The following PCDHA4 variants were observed in gnomAD, a reference collection of about 807,000 sequenced individuals.
The protein encoded by PCDHA4 is protocadherin alpha-4.
Under a neutral mutation model 61.4 loss-of-function variants are expected in PCDHA4, and 49 were observed. The observed-to-expected ratio is 0.80, with a 90% CI of 0.63 to 1.01. PCDHA4 has a LOEUF of 1.01. PCDHA4 is among the 50% of genes least tolerant of loss of function. The pLI, the probability that PCDHA4 is intolerant of heterozygous loss-of-function variation, is 0.00. For synonymous variants in PCDHA4, 590 were observed against 550.3 expected (o/e 1.07, Z -1.01); for missense variants, 1,254 against 1,235.8 (o/e 1.01, Z -0.22).
chr5:140,898,035 TG>T (rs1376690690), intron 1 of PCDHA4, among the ~76,000 whole-genome samples: 1 of 152,120 alleles, frequency 6.6e-6, no homozygotes, highest in Non-Finnish European at 1.5e-5. Flanking sequence ...TTGATGGGGT[TG>T]TTTGTTTTTT....
rs141975967 is a variant in PCDHA4, at chr5:140,824,104, C to G, written c.2385+14532C>G. The G allele has an allele frequency of 8.2e-5, 132 of 1,614,008 alleles. No homozygotes were observed. Among genetic ancestry groups the G allele is most frequent in the African/African-American group, 2.1e-4 (16 of 74,940 alleles). ...CATGGCCTTCAGTCCAAGCCTTCCTCAGGGTCCCACCTCTACAGACAACGT... is the reference window on the plus strand; with the variant it reads ...CATGGCCTTCAGTCCAAGCCTTCCTGAGGGTCCCACCTCTACAGACAACGT... On this transcript the variant is annotated intron_variant, in intron 1 of 3. Transcript: ENST00000530339.
At chr5:141,005,436 G>T (rs1554260042) in intron 3 of PCDHA4, among the ~76,000 whole-genome samples, 2 of 152,080 alleles carry the variant, frequency 1.3e-5, no homozygotes, top group East Asian at 1.9e-4. Flanking sequence ...TGGATGAGAG[G>T]CTCACGCCTG....
intron 1 of PCDHA4, chr5:140,877,965 G>A (rs1049843517): frequency 1.8e-5 from 23 of 1,304,904 alleles, no homozygotes; most frequent in Non-Finnish European, 2.2e-5. Context: ...CATCTTTCTT[G>A]GTCATTCTTA....
rs142866496 is a variant in PCDHA4, at chr5:140,917,224, G to A, written c.2386-61725G>A. Among the ~76,000 whole-genome samples, 29 of 151,040 alleles carry A rather than the reference G, an allele frequency of 1.9e-4. No homozygotes were observed. In the East Asian group the frequency reaches 2.2e-3, roughly 11 times the overall value. ...TCTTCAATGCCTCTTTTAGTGATAC[G>A]TTGTTAAATCTAGGTACTACGATTG... On this transcript the variant is annotated intron_variant, in intron 1 of 3. Transcript: ENST00000530339.
intron 1 of PCDHA4, chr5:140,841,149 T>G: frequency 1.3e-6 from 1 of 781,862 alleles, no homozygotes. Flanking sequence ...ATGATGTCGC[T>G]GTCTACCAAG....
At chr5:140,891,937 C>G (rs1168665111) in intron 1 of PCDHA4, among the ~76,000 whole-genome samples, 3 of 152,166 alleles carry the variant, frequency 2.0e-5, no homozygotes, top group Admixed American at 2.0e-4. Context: ...CTTGGACTTC[C>G]CCTAGGCTCC....
At position 140,848,921 on chromosome 5, in the gene PCDHA4, C is replaced by A. The variant is rs149924043; in HGVS notation, c.2385+39349C>A. The A allele has an allele frequency of 2.3e-3, 3,692 of 1,607,738 alleles. 94 individuals carry two copies. Among genetic ancestry groups the A allele is most frequent in the Middle Eastern group, 9.4e-3 (57 of 6,032 alleles). On this transcript the variant is annotated intron_variant, in intron 1 of 3. Coordinates refer to ENST00000530339, the MANE Select transcript of PCDHA4 (RefSeq NM_018907.4). ...CAGCGACACAAAAGAATCTGTTCAT[C>A]GCGGAATCCAGGCCGCTTGACTCTC...
Position 140,882,079 on chromosome 5 carries a change from G to A in PCDHA4, c.2385+72507G>A. ...CTTACACGTTCATGCGCATGGTGTC[G>A]CTCTTCACTGAGAACGTTTCCGCGA... On this transcript the variant is annotated intron_variant, in intron 1 of 3. Transcript: ENST00000530339. The A allele has an allele frequency of 3.1e-6, 3 of 952,852 alleles. No homozygotes were observed. In the East Asian group the frequency reaches 7.8e-5, roughly 25 times the overall value. 59.0% of individuals were successfully genotyped at this position (952,852 alleles called of 1,614,324 possible). A position where few individuals can be genotyped will look rare whatever the true frequency, so the allele number is the denominator to read the frequency against.
chr5:140,847,580 C>T (rs1350641732), intron 1 of PCDHA4: 1 of 149,008 alleles, frequency 6.7e-6, no homozygotes, highest in African/African-American at 2.5e-5. Flanking sequence ...TAAGGATGAG[C>T]AATAATGAAA....
intron 1 of PCDHA4, chr5:140,834,486 G>A: frequency 6.2e-7 from 1 of 1,614,160 alleles, no homozygotes; most frequent in Non-Finnish European, 8.5e-7. Context: ...CCACTACTCG[G>A]TCCCCGAGGA....
At chr5:140,895,267 T>G (rs2064938299) in intron 1 of PCDHA4, among the ~76,000 whole-genome samples, 1 of 152,162 alleles carries the variant, frequency 6.6e-6, no homozygotes. Flanking sequence ...TTTTTCTTAC[T>G]CAGGGATAAT....
chr5:140,843,555 TG>T, intron 1 of PCDHA4: 1 of 1,595,708 alleles, frequency 6.3e-7, no homozygotes, highest in African/African-American at 1.3e-5. Context: ...TCCAGTGCGG[TG>T]GGGAGCTGGT....
chr5:140,824,114 C>T (rs1218962389), intron 1 of PCDHA4: 1 of 1,613,950 alleles, frequency 6.2e-7, no homozygotes, highest in Non-Finnish European at 8.5e-7. Context: ...CAGGGTCCCA[C>T]CTCTACAGAC....
intron 1 of PCDHA4, chr5:140,863,201 C>A: frequency 1.1e-6 from 1 of 925,678 alleles, no homozygotes; most frequent in Admixed American, 1.8e-5. Context: ...GCGTCGCTGG[C>A]GGAGAGCAGC....
At chr5:140,813,650 T>C (rs1765354351) in intron 1 of PCDHA4, 1 of 152,178 alleles carries the variant, frequency 6.6e-6, no homozygotes, top group African/African-American at 2.4e-5. Flanking sequence ...TGTGCACTAA[T>C]GTAGACTTTA....
chr5:140,839,671 C>G (rs1194956449), intron 1 of PCDHA4, among the ~76,000 whole-genome samples: 1 of 152,028 alleles, frequency 6.6e-6, no homozygotes, highest in African/African-American at 2.4e-5. Context: ...TATTTAGAGT[C>G]AACTACAGAG....
intron 1 of PCDHA4, chr5:140,843,065 C>T (rs1554139692): frequency 6.3e-7 from 1 of 1,595,232 alleles, no homozygotes; most frequent in Non-Finnish European, 8.6e-7. Flanking sequence ...CAAGCTGGTG[C>T]CGCGGTCTGT....
chr5:140,988,560 T>C (rs1184536302), intron 3 of PCDHA4, among the ~76,000 whole-genome samples: 3 of 152,138 alleles, frequency 2.0e-5, no homozygotes, highest in Admixed American at 2.0e-4. Context: ...CATCTTCTTC[T>C]TGGGAAAACA....
intron 1 of PCDHA4, among the ~76,000 whole-genome samples, chr5:140,960,936 T>G (rs1198055000): frequency 6.6e-6 from 1 of 152,210 alleles, no homozygotes. Flanking sequence ...CTAAGTTTAG[T>G]GAATTAGAAA....
Sources: gnomAD v4.1 joint callset for allele counts (sites outside exome capture counted in the v4.1 genomes callset) on GRCh38, gnomAD v4.1.1 for gene constraint, MANE v1.5 for transcripts, NCBI Gene and HGNC (gene_info 2026-07-23, HGNC 2026-07-21) for gene names.